The following TEX11 variants were observed in gnomAD, a reference collection of about 807,000 sequenced individuals.
TEX11 encodes testis expressed 11.
TEX11 carries 7 observed loss-of-function variants against 84.4 expected under a neutral mutation model. The ratio of observed to expected loss-of-function variants is 0.08; its 90% CI spans 0.05 to 0.16. The LOEUF is 0.16. Among genes scored for constraint, TEX11 ranks in the 10% least tolerant of loss-of-function variants. TEX11 has a pLI of 1.00. For missense variants in TEX11, 551 were observed against 660.5 expected (o/e 0.83, Z 1.82); for synonymous variants, 264 against 222.8 (o/e 1.18, Z -1.64).
At chrX:70,705,244 T>C (rs2090362313) in intron 13 of TEX11, among the ~76,000 whole-genome samples, 1 of 111,845 alleles carries the variant, frequency 8.9e-6, no homozygotes, top group African/African-American at 3.2e-5. Context: ...CCTCCAGCTT[T>C]GTTCTTTTGG....
rs1205572216 is a variant in TEX11 at position 70,553,393 on chromosome X, G to A, written c.2312C>T (p.Ala771Val). The change falls in exon 27 of 30, where the codon GCA becomes GTA. Residue 771 changes from alanine to valine, a missense_variant. Physicochemically the swap from Ala to Val is moderately conservative, Grantham distance 64. Transcript: ENST00000374333. ...TIAIIAMEKP[A>V]HYPLIALKAL... ...CTTGAGAGCAATCAAAGGATAGTGTGCAGGCTTTTCCATTGCTATTACTAG... is the reference window on the plus strand; with the variant it reads ...CTTGAGAGCAATCAAAGGATAGTGTACAGGCTTTTCCATTGCTATTACTAG... The A allele has an allele frequency of 4.2e-6, 5 of 1,200,458 alleles. No homozygotes were observed. In the African/African-American group the frequency reaches 8.8e-5, roughly 21 times the overall value.
intron 2 of TEX11, among the ~76,000 whole-genome samples, chrX:70,892,658 G>C (rs1402012922): frequency 1.8e-5 from 2 of 109,820 alleles, no homozygotes; most frequent in African/African-American, 6.6e-5. Context: ...CCTTGAACCT[G>C]GGAGGCGGAG....
At chrX:70,790,556 C>T (rs775120860) in intron 9 of TEX11, among the ~76,000 whole-genome samples, 2 of 112,122 alleles carry the variant, frequency 1.8e-5, no homozygotes, top group Non-Finnish European at 3.8e-5. Context: ...TGCGCAGAGC[C>T]CAGAAGGTTC....
chrX:70,738,918 G>A (rs1296584026), intron 11 of TEX11, among the ~76,000 whole-genome samples: 1 of 110,440 alleles, frequency 9.1e-6, no homozygotes, highest in Non-Finnish European at 1.9e-5. Context: ...ATGGACACAG[G>A]GAGGGGAACA....
chrX:70,704,287 C>T (rs1161276613), intron 13 of TEX11, among the ~76,000 whole-genome samples: 3 of 110,700 alleles, frequency 2.7e-5, no homozygotes, highest in Admixed American at 9.7e-5. Flanking sequence ...TATAAATTAC[C>T]CAGCCTCAAG....
At chrX:70,587,150 T>A (rs1412203484) in intron 25 of TEX11, among the ~76,000 whole-genome samples, 1 of 112,147 alleles carries the variant, frequency 8.9e-6, no homozygotes, top group African/African-American at 3.2e-5. Flanking sequence ...TTTGGAAAAT[T>A]TTCAGCCTGA....
chrX:70,851,955 C>T (rs901466645), intron 7 of TEX11, among the ~76,000 whole-genome samples: 1 of 111,479 alleles, frequency 9.0e-6, no homozygotes, highest in Non-Finnish European at 1.9e-5. Flanking sequence ...AATAAATTCA[C>T]GGTTGCTAGA....
chrX:70,698,048 A>G (rs2090295446), intron 13 of TEX11, among the ~76,000 whole-genome samples: 2 of 110,489 alleles, frequency 1.8e-5, no homozygotes, highest in South Asian at 3.8e-4. Context: ...GTACATTTTT[A>G]TAAGTACATA....
intron 25 of TEX11, among the ~76,000 whole-genome samples, chrX:70,565,250 G>T (rs746545751): frequency 3.2e-4 from 33 of 104,407 alleles, no homozygotes; most frequent in East Asian, 8.9e-4. Flanking sequence ...TTTTGATGGG[G>T]TTTTTTTTTT....
chrX:70,792,536 G>T (rs1376719231), intron 9 of TEX11, among the ~76,000 whole-genome samples: 3 of 103,492 alleles, frequency 2.9e-5, no homozygotes, highest in Non-Finnish European at 5.9e-5. Context: ...AAAAAAAAAT[G>T]ACTAAAACCA....
intron 9 of TEX11, among the ~76,000 whole-genome samples, chrX:70,791,084 T>C (rs2091115288): frequency 1.8e-5 from 2 of 111,617 alleles, no homozygotes; most frequent in African/African-American, 6.5e-5. Context: ...TGTAGGGACA[T>C]GGATGAAGCT....
At chrX:70,799,678 A>G (rs763384021) in intron 9 of TEX11, among the ~76,000 whole-genome samples, 2 of 112,056 alleles carry the variant, frequency 1.8e-5, no homozygotes, top group Admixed American at 9.4e-5. Context: ...TGGTAAAGCC[A>G]TGTTCATCTC....
At chrX:70,802,055 CT>C (rs2091192524) in intron 9 of TEX11, among the ~76,000 whole-genome samples, 1 of 111,695 alleles carries the variant, frequency 9.0e-6, no homozygotes, top group South Asian at 3.7e-4. Context: ...TGAAATACTT[CT>C]GCCAAAAAAT....
chrX:70,519,468 C>A, the TEX11 span, among the ~76,000 whole-genome samples: 1 of 112,335 alleles, frequency 8.9e-6, no homozygotes, highest in East Asian at 2.8e-4. Context: ...TGTAGAGTTT[C>A]TGCTGAGAGA....
intron 25 of TEX11, among the ~76,000 whole-genome samples, chrX:70,578,979 C>CCGTCT (rs1271666607): frequency 9.3e-6 from 1 of 107,485 alleles, no homozygotes; most frequent in African/African-American, 3.4e-5. Flanking sequence ...GCCATGTTGG[C>CCGTCT]CAGACTGGTC....
At chrX:70,857,793 G>A (rs2091545098) in intron 5 of TEX11, among the ~76,000 whole-genome samples, 1 of 111,609 alleles carries the variant, frequency 9.0e-6, no homozygotes, top group South Asian at 3.8e-4. Flanking sequence ...TTGCAAAATT[G>A]TGGAACCAAC....
At chrX:70,602,343 C>T (rs1376859211) in intron 24 of TEX11, among the ~76,000 whole-genome samples, 1 of 108,737 alleles carries the variant, frequency 9.2e-6, no homozygotes, top group African/African-American at 3.4e-5. Flanking sequence ...CATCAAAAAG[C>T]TTATCCACCA....
intron 13 of TEX11, among the ~76,000 whole-genome samples, chrX:70,709,826 G>A (rs1277524620): frequency 9.0e-6 from 1 of 111,182 alleles, no homozygotes; most frequent in African/African-American, 3.3e-5. Context: ...TACTTGATGA[G>A]CCTGAACAAA....
intron 28 of TEX11, among the ~76,000 whole-genome samples, chrX:70,539,860 G>A (rs945630653): frequency 7.2e-5 from 8 of 111,396 alleles, no homozygotes; most frequent in Non-Finnish European, 1.1e-4. Flanking sequence ...TGGTGCTAGA[G>A]ATGCCAACAG....
Sources: allele counts gnomAD v4.1 joint callset (sites outside exome capture counted in the v4.1 genomes callset), GRCh38; gene constraint gnomAD v4.1.1; transcripts MANE v1.5; gene names NCBI Gene and HGNC (gene_info 2026-07-23, HGNC 2026-07-21).